Variants in AGO4 observed in about 807,000 individuals in gnomAD.
The protein encoded by AGO4 is protein argonaute-4.
Under a neutral mutation model 104.7 loss-of-function variants are expected in AGO4, and 33 were observed. The ratio of observed to expected loss-of-function variants is 0.32; its 90% confidence interval spans 0.24 to 0.42. The LOEUF is 0.42. Among genes scored for constraint, AGO4 ranks in the 10% least tolerant of loss-of-function variants. The pLI is 1.00. For synonymous variants in AGO4, 331 were observed against 364.7 expected (o/e 0.91, Z 1.05); for missense variants, 711 against 1,083.4 (o/e 0.66, Z 4.83).
rs948050557 is a variant in AGO4, at chr1:35,836,376, A to C, written c.1724+383A>C. Among the ~76,000 whole-genome samples the C allele has an allele frequency of 2.6e-5, 4 of 152,176 alleles. No homozygotes were observed. The East Asian group carries it at 7.7e-4, about 29-fold the overall frequency. ...ACTTGGGAGTAGTTTATTCTTTTTC[A>C]TTGTTGTGTATGATTTCATTTCATG... On this transcript the variant is annotated intron_variant, in intron 13 of 17. Coordinates refer to ENST00000373210, the MANE Select transcript of AGO4 (RefSeq NM_017629.4).
chr1:35,823,970 A>G (rs1426821494), intron 3 of AGO4, among the ~76,000 whole-genome samples: 1 of 152,156 alleles, frequency 6.6e-6, no homozygotes, highest in Non-Finnish European at 1.5e-5. Context: ...TGAGATGAGC[A>G]TTAGGATTGA....
chr1:35,841,786 C>T lies in AGO4; in HGVS notation c.2175+36C>T, dbSNP rs373529517. 1.3e-6 allele frequency: 2 copies of T among 1,577,784 alleles called. No individual in the cohort carries two copies. Among genetic ancestry groups the T allele is most frequent in the African/African-American group, 1.4e-5 (1 of 71,764 alleles). On this transcript the variant is annotated intron_variant, in intron 15 of 17. Coordinates refer to ENST00000373210, the MANE Select transcript of AGO4 (RefSeq NM_017629.4). This position sits in a 1 kb window ranked among gnomAD's most constrained non-coding sequence, Gnocchi z 4.7. ...ATAATATAAGCTTTGTTATCTGAGG[C>T]TCTGGCAAGAGATGTATATATGCAC...
In AGO4 at chr1:35,808,466, C is replaced by CCGGGACG; in HGVS notation, c.19+37_19+38insGCGGGAC. 1 of 1,177,460 alleles carries CCGGGACG rather than the reference C, an allele frequency of 8.5e-7. No homozygotes were observed. Among genetic ancestry groups the CCGGGACG allele is most frequent in the Non-Finnish European group, 1.0e-6 (1 of 952,574 alleles). 72.9% of individuals were successfully genotyped at this position (1,177,460 alleles called of 1,614,324 possible). On this transcript the variant is annotated intron_variant, in intron 1 of 17. Coordinates refer to ENST00000373210, the MANE Select transcript of AGO4 (RefSeq NM_017629.4). The surrounding 1 kb of genome is among the most constrained non-coding windows in gnomAD (Gnocchi z 5.2). ...GAGCGAGCTCGGGTCGGGGCGGGACCCGGGACCCGGGACCCGGGGCGGGCG... is the reference window on the plus strand; with the variant it reads ...GAGCGAGCTCGGGTCGGGGCGGGACCCGGGACGCGGGACCCGGGACCCGGGGCGGGCG...
chr1:35,854,473 T>C lies in AGO4; in HGVS notation c.*868T>C, dbSNP rs1349906987. 1 of 152,684 alleles carries C rather than the reference T, an allele frequency of 6.5e-6. No individual in the cohort carries two copies. Among genetic ancestry groups the C allele is most frequent in the Admixed American group, 6.5e-5 (1 of 15,290 alleles). 9.5% of individuals were successfully genotyped at this position (152,684 alleles called of 1,614,324 possible). ...CTAAATGATTTTTAAACTTTTCTCA[T>C]AGAAACTTAACTTTGGCAATAAACA... On this transcript the variant is annotated 3_prime_UTR_variant, in exon 18 of 18. Coordinates refer to ENST00000373210, the MANE Select transcript of AGO4 (RefSeq NM_017629.4).
intron 11 of AGO4, 152 bp downstream of exon 11, chr1:35,832,722 T>G: frequency 9.5e-7 from 1 of 1,055,694 alleles, no homozygotes; most frequent in Non-Finnish European, 1.3e-6. Flanking sequence ...ATTATAGTAA[T>G]TTGCAAACTT....
At chr1:35,845,870 C>T (rs1294052202) in intron 15 of AGO4, among the ~76,000 whole-genome samples, 2 of 152,164 alleles carry the variant, frequency 1.3e-5, no homozygotes, top group African/African-American at 4.8e-5. Flanking sequence ...CAGCTGTGAC[C>T]CTGCTGTCCT....
In AGO4 at chr1:35,857,691, A is replaced by C. The variant is rs1201182391; in HGVS notation, c.*4086A>C. ...AAGTTGTTTTTCCTGTCAATTGTCTAATAAGTATGCAGTACACTGTAATGG... is the reference window on the plus strand; with the variant it reads ...AAGTTGTTTTTCCTGTCAATTGTCTCATAAGTATGCAGTACACTGTAATGG... On this transcript the variant is annotated 3_prime_UTR_variant, in exon 18 of 18. Transcript: ENST00000373210. 3 of 152,202 alleles carry C rather than the reference A, an allele frequency of 2.0e-5. No homozygotes were observed. The highest frequency in any genetic ancestry group is 4.4e-5 in the Non-Finnish European group (3 of 68,032). The allele number at this position is 152,202 out of a possible 1,614,324, so 9.4% of individuals were successfully genotyped here.
At position 35,841,071 on chromosome 1, in the gene AGO4, G is replaced by T; in HGVS notation, c.1725-94G>T. On this transcript the variant is annotated intron_variant, in intron 13 of 17. Transcript: ENST00000373210. The surrounding 1 kb of genome is among the most constrained non-coding windows in gnomAD (Gnocchi z 4.7). ...TTAAGTCTTTGTTCTCTCTTATAAG[G>T]TTATATCTGATTATATCTGGTGATA... The T allele has an allele frequency of 3.0e-6, 4 of 1,347,864 alleles. No homozygotes were observed. Among genetic ancestry groups the T allele is most frequent in the Non-Finnish European group, 4.1e-6 (4 of 969,856 alleles). 83.5% of individuals were successfully genotyped at this position (1,347,864 alleles called of 1,614,324 possible).
chr1:35,827,095 G>A (rs780419354), intron 7 of AGO4, among the ~76,000 whole-genome samples: 3 of 151,958 alleles, frequency 2.0e-5, no homozygotes, highest in Non-Finnish European at 4.4e-5. Context: ...CCAGGTACTC[G>A]GGAGGCTGAG....
chr1:35,832,655 G>A, intron 11 of AGO4, 85 bp downstream of exon 11: 1 of 1,468,626 alleles, frequency 6.8e-7, no homozygotes, highest in Non-Finnish European at 9.1e-7. Context: ...GTGTACACTG[G>A]CACTAAATCC....
intron 15 of AGO4, among the ~76,000 whole-genome samples, chr1:35,847,774 T>C (rs1314163740): frequency 6.6e-6 from 1 of 152,144 alleles, no homozygotes; most frequent in Non-Finnish European, 1.5e-5. Flanking sequence ...TTGTTTTTAA[T>C]TTTTTTCATA....
chr1:35,820,378 G>A (rs2148656347), intron 2 of AGO4, among the ~76,000 whole-genome samples: 1 of 152,052 alleles, frequency 6.6e-6, no homozygotes, highest in Non-Finnish European at 1.5e-5. Context: ...TTTTTTTTAA[G>A]ATGGAGTCTC....
In AGO4 at chr1:35,857,360, A is replaced by G. The variant is rs1418955931; in HGVS notation, c.*3755A>G. The G allele has an allele frequency of 1.3e-5, 2 of 152,214 alleles. No homozygotes were observed. Among genetic ancestry groups the G allele is most frequent in the African/African-American group, 4.8e-5 (2 of 41,454 alleles). 9.4% of individuals were successfully genotyped at this position (152,214 alleles called of 1,614,324 possible). On this transcript the variant is annotated 3_prime_UTR_variant, in exon 18 of 18. Coordinates refer to ENST00000373210, the MANE Select transcript of AGO4 (RefSeq NM_017629.4). ...ATTAACCATTTTCTTATGCCTTGCT[A>G]TTGACATATTCATGCTCTTTCTACG... is the stretch of plus-strand genomic sequence containing the variant.
At chr1:35,840,734 C>G (rs1031326210) in intron 13 of AGO4, among the ~76,000 whole-genome samples, 1 of 152,184 alleles carries the variant, frequency 6.6e-6, no homozygotes, top group Non-Finnish European at 1.5e-5. Context: ...TTTTCTGCCT[C>G]AGCCTCCCAA....
intron 1 of AGO4, among the ~76,000 whole-genome samples, chr1:35,812,988 T>C (rs1215476239): frequency 6.6e-6 from 1 of 152,222 alleles, no homozygotes; most frequent in Non-Finnish European, 1.5e-5. Flanking sequence ...TAATTCAGTA[T>C]GTTTATCACC....
At chr1:35,853,455 G>GTTTGTTTTGC (rs777332907) in intron 17 of AGO4, 42 bp from the exon 18 acceptor site, 58 of 1,542,756 alleles carry the variant, frequency 3.8e-5, no homozygotes, top group Non-Finnish European at 5.0e-5. Flanking sequence ...TTTTTTGTTT[G>GTTTGTTTTGC]TTTGTTTTGC....
At chr1:35,824,429 A>G (rs187683976) in intron 3 of AGO4, among the ~76,000 whole-genome samples, 8 of 151,924 alleles carry the variant, frequency 5.3e-5, no homozygotes, top group African/African-American at 1.9e-4. Flanking sequence ...CCATTTCTAT[A>G]CATTTATATC....
At chr1:35,837,096 G>A (rs982096092) in intron 13 of AGO4, among the ~76,000 whole-genome samples, 2 of 151,798 alleles carry the variant, frequency 1.3e-5, no homozygotes, top group African/African-American at 4.8e-5. Flanking sequence ...TGTTTGTTTT[G>A]TTTTGAGATG....
chr1:35,821,039 C>G (rs1643877221), intron 2 of AGO4, among the ~76,000 whole-genome samples: 1 of 152,136 alleles, frequency 6.6e-6, no homozygotes, highest in Admixed American at 6.6e-5. Flanking sequence ...CAGGGACAAG[C>G]CACTTGCCCA....
Sources: gnomAD v4.1 joint callset for allele counts (sites outside exome capture counted in the v4.1 genomes callset) on GRCh38, gnomAD v4.1.1 for gene constraint, Gnocchi (gnomAD v3.1) non-coding constraint, MANE v1.5 for transcripts, NCBI Gene and HGNC (gene_info 2026-07-23, HGNC 2026-07-21) for gene names.